The following CREBBP variants were observed in gnomAD, a reference collection of about 807,000 sequenced individuals.
CREBBP encodes CREB binding lysine acetyltransferase.
CREBBP carries 19 observed loss-of-function variants against 265.0 expected under a neutral mutation model. That is an observed-to-expected ratio of 0.07 (90% CI 0.05 to 0.11). CREBBP has a LOEUF of 0.11. Ranked by LOEUF, CREBBP falls within the 10% of genes least tolerant of loss-of-function variation. CREBBP has a pLI of 1.00. For synonymous variants in CREBBP, 1,457 were observed against 1,223.7 expected (o/e 1.19, Z -3.98); for missense variants, 2,525 against 3,219.0 (o/e 0.78, Z 5.22).
At chr16:3,790,591 C>G (rs1359550663) in intron 5 of CREBBP, among the ~76,000 whole-genome samples, 1 of 152,146 alleles carries the variant, frequency 6.6e-6, no homozygotes, top group Non-Finnish European at 1.5e-5. Flanking sequence ...CTCAGGTGAT[C>G]TGCCCGCCTC....
chr16:3,813,386 G>A (rs1358082763), intron 2 of CREBBP, among the ~76,000 whole-genome samples: 1 of 152,138 alleles, frequency 6.6e-6, no homozygotes, highest in Non-Finnish European at 1.5e-5. Flanking sequence ...TAAATATTAA[G>A]CACATTTCTG....
intron 28 of CREBBP, among the ~76,000 whole-genome samples, chr16:3,733,223 G>A (rs1391529282): frequency 1.3e-5 from 2 of 152,016 alleles, no homozygotes; most frequent in East Asian, 2.0e-4. Flanking sequence ...TTAGCCAGGC[G>A]TGGTGGCGGG....
At chr16:3,786,509 C>T (rs1205224182) in intron 5 of CREBBP, among the ~76,000 whole-genome samples, 2 of 152,208 alleles carry the variant, frequency 1.3e-5, no homozygotes, top group Non-Finnish European at 1.5e-5. Flanking sequence ...TCAGTGAAAA[C>T]GGACATGAAT....
intron 3 of CREBBP, among the ~76,000 whole-genome samples, chr16:3,809,468 G>T (rs945799287): frequency 6.6e-6 from 1 of 152,146 alleles, no homozygotes; most frequent in South Asian, 2.1e-4. Flanking sequence ...GAGCCACCAC[G>T]CCCGGCCTCA....
chr16:3,780,980 A>C (rs1411552259), intron 7 of CREBBP, 102 bp from the exon 8 acceptor site: 4 of 1,362,812 alleles, frequency 2.9e-6, no homozygotes, highest in Non-Finnish European at 4.1e-6. Context: ...TTAAAAGTTT[A>C]AGTCAGGAGA....
chr16:3,855,854 A>G (rs1339867671), intron 1 of CREBBP, among the ~76,000 whole-genome samples: 2 of 152,230 alleles, frequency 1.3e-5, no homozygotes, highest in East Asian at 1.9e-4. Flanking sequence ...TATGTATTAA[A>G]AAGTCCTCTC....
At chr16:3,754,694 A>G (rs2052549280) in intron 19 of CREBBP, among the ~76,000 whole-genome samples, 1 of 152,224 alleles carries the variant, frequency 6.6e-6, no homozygotes, top group African/African-American at 2.4e-5. Context: ...TGGGAAAGCT[A>G]AAGAACAGTT....
At position 3,773,927 on chromosome 16, in the gene CREBBP, C is replaced by G. The variant is rs768288810; in HGVS notation, c.2287G>C (p.Ala763Pro). 6.2e-7 allele frequency: 1 copy of G among 1,612,170 alleles called. No individual in the cohort carries two copies. Among genetic ancestry groups the G allele is most frequent in the Non-Finnish European group, 8.5e-7 (1 of 1,180,008 alleles). ...MNSMGSVPGM[A>P]ISPSRMPQPP... ...TGAGGCATTCGGGAAGGAGAAATGGCCATCTACGAGACAACAAGCACCACC... is the reference window on the plus strand; with the variant it reads ...TGAGGCATTCGGGAAGGAGAAATGGGCATCTACGAGACAACAAGCACCACC... Residue 763 changes from alanine (A) to proline (P), a missense_variant, in exon 13 of 31, where the codon GCC becomes CCC. Around this residue, in one of 19 missense-constraint regions of CREBBP, gnomAD observed 548 missense variants for 533.0 expected, o/e 1.03. Transcript: ENST00000262367.
chr16:3,757,161 AC>A, intron 19 of CREBBP, 126 bp downstream of exon 19: 3 of 798,842 alleles, frequency 3.8e-6, no homozygotes, highest in Non-Finnish European at 6.5e-6. Flanking sequence ...GGCGTGAGCC[AC>A]CACACCCGGC....
At chr16:3,795,374 G>T (rs2053587209) in intron 3 of CREBBP, among the ~76,000 whole-genome samples, 2 of 152,074 alleles carry the variant, frequency 1.3e-5, no homozygotes, top group Admixed American at 6.6e-5. Flanking sequence ...GCGTTGATAG[G>T]TTTTTTTCCC....
intron 16 of CREBBP, among the ~76,000 whole-genome samples, chr16:3,759,316 T>C (rs2052656372): frequency 1.3e-5 from 2 of 152,122 alleles, no homozygotes; most frequent in African/African-American, 4.8e-5. Context: ...AGGCTGGGCA[T>C]GGTGGCTCAC....
chr16:3,832,986 A>C, intron 2 of CREBBP, among the ~76,000 whole-genome samples: 1 of 152,240 alleles, frequency 6.6e-6, no homozygotes, highest in Non-Finnish European at 1.5e-5. Context: ...TCAGCAAACT[A>C]GAAACAGAAT....
In CREBBP at chr16:3,849,525, CTT is replaced by C. The variant is rs140938515; in HGVS notation, c.798+770_798+771del. 7.8e-3 allele frequency among the ~76,000 whole-genome samples: 51 copies of C among 6,558 alleles called. 4 individuals are homozygous for C. Among genetic ancestry groups the C allele is most frequent in the African/African-American group, 0.018 (37 of 2,112 alleles). The allele number at this position is 6,558 out of a possible 152,430, so 4.3% of individuals were successfully genotyped here. On this transcript the variant is annotated intron_variant, in intron 2 of 30. Coordinates refer to ENST00000262367, the MANE Select transcript of CREBBP (RefSeq NM_004380.3). Reference sequence around the variant, plus strand: ...CCTTGGAGCCACCTGGAGGCTGCTGCTTTTTTTTTTTTTTTTTTTTTTTTTCC... The same window carrying C: ...CCTTGGAGCCACCTGGAGGCTGCTGCTTTTTTTTTTTTTTTTTTTTTTTCC...
chr16:3,751,668 A>G (rs2052477380), intron 20 of CREBBP, 58 bp downstream of exon 20: 4 of 1,545,736 alleles, frequency 2.6e-6, no homozygotes, highest in Non-Finnish European at 3.6e-6. Flanking sequence ...GGTAAGAGGA[A>G]AAAACAATTT....
chr16:3,777,651 G>A lies in CREBBP; in HGVS notation c.2120C>T (p.Pro707Leu). 1 of 1,614,040 alleles carries A rather than the reference G, an allele frequency of 6.2e-7. No individual in the cohort carries two copies. Among genetic ancestry groups the A allele is most frequent in the East Asian group, 2.2e-5 (1 of 44,894 alleles). ...CATGCGATTCACTGGCAGGGACAGG[G>A]GTCCATCTATGGTGGCAAAACAAAA... The part of the protein sequence containing the change: ...QAQPVRPPNG[P>L]LSLPVNRMQV... The change falls in exon 11 of 31, where the codon CCC (proline) becomes CTC (leucine). Residue 707 changes from proline (P) to leucine (L), a missense_variant. By Grantham distance (98) the Pro-to-Leu change is moderately conservative. Around this residue, in one of 19 missense-constraint regions of CREBBP, gnomAD observed 548 missense variants for 533.0 expected, o/e 1.03. Coordinates refer to ENST00000262367, the MANE Select transcript of CREBBP (RefSeq NM_004380.3).
At chr16:3,753,396 T>C (rs1312693478) in intron 19 of CREBBP, among the ~76,000 whole-genome samples, 1 of 152,238 alleles carries the variant, frequency 6.6e-6, no homozygotes, top group Non-Finnish European at 1.5e-5. Flanking sequence ...GATGAGCCAA[T>C]TTTTTGTGTT....
At position 3,794,331 on chromosome 16, in the gene CREBBP, C is replaced by CAAAAAAAAAA. The variant is rs746656673; in HGVS notation, c.976-715_976-706dup. The stretch of plus-strand genomic sequence containing the variant: ...TGGGCGACAGATCGAGACTCCGTCT[C>CAAAAAAAAAA]AAAAAAAAAAAAAAAAAAAAAAAAA... On this transcript the variant is annotated intron_variant, in intron 3 of 30. Coordinates refer to ENST00000262367, the MANE Select transcript of CREBBP (RefSeq NM_004380.3). Among the ~76,000 whole-genome samples, 8 of 39,616 alleles carry CAAAAAAAAAA rather than the reference C, an allele frequency of 2.0e-4. 1 individual carries two copies. Among genetic ancestry groups the CAAAAAAAAAA allele is most frequent in the South Asian group, 2.0e-3 (1 of 488 alleles). 26.0% of individuals were successfully genotyped at this position (39,616 alleles called of 152,430 possible).
intron 3 of CREBBP, among the ~76,000 whole-genome samples, chr16:3,795,223 G>A (rs752962210): frequency 1.9e-4 from 29 of 151,494 alleles, no homozygotes; most frequent in Non-Finnish European, 3.7e-4. Flanking sequence ...CAACTCCTAA[G>A]AGAAAATAGC....
intron 1 of CREBBP, among the ~76,000 whole-genome samples, chr16:3,860,019 G>C (rs779259899): frequency 6.6e-6 from 1 of 152,134 alleles, no homozygotes; most frequent in Non-Finnish European, 1.5e-5. Context: ...CAAATGGTGG[G>C]GGGCGGGGGC....
Sources: allele counts gnomAD v4.1 joint callset (sites outside exome capture counted in the v4.1 genomes callset), GRCh38; gene constraint gnomAD v4.1.1; regional missense constraint gnomAD v4.1.1; transcripts MANE v1.5; gene names NCBI Gene and HGNC (gene_info 2026-07-23, HGNC 2026-07-21).